Variants in SLC10A7 observed in about 807,000 individuals in gnomAD.
SLC10A7 encodes solute carrier family 10 member 7.
Under a neutral mutation model 43.2 loss-of-function variants are expected in SLC10A7, and 29 were observed. The ratio of observed to expected loss-of-function variants is 0.67; its 90% CI spans 0.50 to 0.92. SLC10A7 has a LOEUF of 0.92. Among genes scored for constraint, SLC10A7 ranks in the 40% least tolerant of loss-of-function variants. SLC10A7 has a pLI of 0.00. For synonymous variants in SLC10A7, 152 were observed against 144.8 expected (o/e 1.05, Z -0.35); for missense variants, 295 against 403.2 (o/e 0.73, Z 2.30).
chr4:146,265,515 C>T (rs1316751572), intron 10 of SLC10A7, among the ~76,000 whole-genome samples: 5 of 152,134 alleles, frequency 3.3e-5, no homozygotes, highest in South Asian at 2.1e-4. Flanking sequence ...TGAAGCCACT[C>T]GTTCTAGATG....
intron 5 of SLC10A7, among the ~76,000 whole-genome samples, chr4:146,423,848 A>G (rs2149853597): frequency 6.6e-6 from 1 of 152,364 alleles, no homozygotes; most frequent in South Asian, 2.1e-4. Flanking sequence ...AAAATAAAGA[A>G]TGGAAAACAT....
chr4:146,322,610 G>C (rs539687384), intron 6 of SLC10A7, among the ~76,000 whole-genome samples: 109 of 152,022 alleles, frequency 7.2e-4, no homozygotes, highest in African/African-American at 2.6e-3. Context: ...TTTTCTTAAT[G>C]CAGTCTATCA....
intron 1 of SLC10A7, among the ~76,000 whole-genome samples, chr4:146,519,514 G>A (rs1738416646): frequency 1.3e-5 from 2 of 151,848 alleles, no homozygotes; most frequent in Non-Finnish European, 2.9e-5. Flanking sequence ...GAGAAGGCAA[G>A]TGCAAAAGGC....
chr4:146,505,612 G>C (rs72956206), intron 3 of SLC10A7, among the ~76,000 whole-genome samples: 2 of 152,070 alleles, frequency 1.3e-5, no homozygotes, highest in African/African-American at 4.8e-5. Flanking sequence ...TCTGAAATAG[G>C]AAAAAAATGT....
intron 4 of SLC10A7, among the ~76,000 whole-genome samples, chr4:146,499,633 A>G (rs1736217226): frequency 6.6e-6 from 1 of 152,200 alleles, no homozygotes; most frequent in Non-Finnish European, 1.5e-5. Context: ...AGGTAGGACC[A>G]AACTGGACTC....
Position 146,283,270 on chromosome 4 carries a change from G to T in SLC10A7, c.774-5C>A, listed in dbSNP as rs775788593. On this transcript the variant is annotated splice_polypyrimidine_tract_variant and splice_region_variant and intron_variant, in intron 9 of 11. Coordinates refer to ENST00000335472, the MANE Select transcript of SLC10A7 (RefSeq NM_001029998.6). Reference sequence around the variant, plus strand: ...GGTGTGAAACCCGAATTATTCCTAGGGGCAAAAAAAGATTTTGACAAATAC... The same window carrying T: ...GGTGTGAAACCCGAATTATTCCTAGTGGCAAAAAAAGATTTTGACAAATAC... 1 of 1,611,902 alleles carries T rather than the reference G, an allele frequency of 6.2e-7. No individual in the cohort carries two copies. Among genetic ancestry groups the T allele is most frequent in the African/African-American group, 1.3e-5 (1 of 74,730 alleles).
Position 146,305,938 on chromosome 4 carries a change from G to A in SLC10A7, c.543C>T (p.Leu181=). ...SQLFMTVVVP[L]IIGQIVRRYI... is the part of the protein sequence containing the mutation. ...TTGGAGGCCTTACCTGTCCAATGATGAGAGGAACCACAACAGTCATAAAAA... is the reference window on the plus strand; with the variant it reads ...TTGGAGGCCTTACCTGTCCAATGATAAGAGGAACCACAACAGTCATAAAAA... Residue 181 remains leucine (L), a synonymous_variant, in exon 7 of 12, where the codon CTC becomes CTT. Coordinates refer to ENST00000335472, the MANE Select transcript of SLC10A7 (RefSeq NM_001029998.6). 1.2e-6 allele frequency: 2 copies of A among 1,608,880 alleles called. No homozygotes were observed. Among genetic ancestry groups the A allele is most frequent in the African/African-American group, 1.3e-5 (1 of 74,716 alleles).
intron 5 of SLC10A7, among the ~76,000 whole-genome samples, chr4:146,418,685 T>C (rs973263523): frequency 6.6e-6 from 1 of 152,176 alleles, no homozygotes; most frequent in African/African-American, 2.4e-5. Flanking sequence ...TGACACCGGA[T>C]GTGTAGGAGT....
intron 5 of SLC10A7, among the ~76,000 whole-genome samples, chr4:146,355,637 C>T (rs958754615): frequency 1.1e-4 from 16 of 152,012 alleles, no homozygotes; most frequent in Admixed American, 2.0e-4. Flanking sequence ...TTGGAACCAA[C>T]GCAAATGTCT....
intron 6 of SLC10A7, among the ~76,000 whole-genome samples, chr4:146,313,792 C>T (rs1578859196): frequency 1.3e-5 from 2 of 152,110 alleles, no homozygotes; most frequent in Admixed American, 1.3e-4. Context: ...CCTCTCTCTT[C>T]TATGAACTCC....
chr4:146,383,871 G>T (rs1737809589), intron 5 of SLC10A7, among the ~76,000 whole-genome samples: 1 of 152,106 alleles, frequency 6.6e-6, no homozygotes, highest in Non-Finnish European at 1.5e-5. Flanking sequence ...TGTCAGGTAT[G>T]TTCTAAGCAT....
At chr4:146,495,496 C>G (rs149332245) in intron 4 of SLC10A7, among the ~76,000 whole-genome samples, 49 of 152,286 alleles carry the variant, frequency 3.2e-4, no homozygotes, top group African/African-American at 1.0e-3. Flanking sequence ...ACTCATGAGT[C>G]AGAAATTGAA....
chr4:146,368,827 G>A (rs148663423), intron 5 of SLC10A7, among the ~76,000 whole-genome samples: 10 of 152,296 alleles, frequency 6.6e-5, no homozygotes, highest in African/African-American at 1.9e-4. Flanking sequence ...CTACTAGTTA[G>A]TGTCTAGAGT....
intron 4 of SLC10A7, among the ~76,000 whole-genome samples, chr4:146,454,632 A>G (rs551306906): frequency 6.6e-6 from 1 of 151,974 alleles, no homozygotes; most frequent in Admixed American, 6.6e-5. Flanking sequence ...CTTCTCCTAG[A>G]ATTATGTTAA....
In SLC10A7 at chr4:146,511,508, T is replaced by C. The variant is rs150680816; in HGVS notation, c.184-1459A>G. ...CATTAGCCAAAGTTTATCAGTTTAA[T>C]CAACAGTACGTTAATGCAGACTCAT... On this transcript the variant is annotated intron_variant, in intron 2 of 11. Transcript: ENST00000335472. Among the ~76,000 whole-genome samples the C allele has an allele frequency of 1.3e-3, 193 of 152,344 alleles. 2 individuals carry two copies. The South Asian group carries it at 0.025, about 20-fold the overall frequency.
chr4:146,304,455 G>C (rs1340173778), intron 7 of SLC10A7, among the ~76,000 whole-genome samples: 1 of 152,110 alleles, frequency 6.6e-6, no homozygotes, highest in Admixed American at 6.5e-5. Context: ...TTGTGTCTTT[G>C]TTCTCGTTGG....
chr4:146,337,314 G>T (rs1733955718), intron 5 of SLC10A7, among the ~76,000 whole-genome samples: 1 of 151,988 alleles, frequency 6.6e-6, no homozygotes, highest in Admixed American at 6.6e-5. Flanking sequence ...GCTCACTTTG[G>T]CCTGCATGCC....
At chr4:146,289,688 C>T (rs1032556817) in intron 9 of SLC10A7, among the ~76,000 whole-genome samples, 2 of 148,674 alleles carry the variant, frequency 1.3e-5, no homozygotes, top group Admixed American at 6.7e-5. Flanking sequence ...AAAGCTAATG[C>T]CCCATCTCTG....
At chr4:146,287,937 G>A (rs1241213374) in intron 9 of SLC10A7, among the ~76,000 whole-genome samples, 2 of 152,192 alleles carry the variant, frequency 1.3e-5, no homozygotes, top group East Asian at 1.9e-4. Flanking sequence ...TGGTCAAGGA[G>A]GCTCTGAATT....
Sources: allele counts gnomAD v4.1 joint callset (sites outside exome capture counted in the v4.1 genomes callset), GRCh38; gene constraint gnomAD v4.1.1; transcripts MANE v1.5; gene names NCBI Gene and HGNC (gene_info 2026-07-23, HGNC 2026-07-21).